Variants in AFAP1 observed in about 807,000 individuals in gnomAD.
The protein encoded by AFAP1 is actin filament-associated protein 1.
A neutral mutation model predicts 93.9 loss-of-function variants in AFAP1; 75 were observed. That is an observed-to-expected ratio of 0.80 (90% confidence interval 0.66 to 0.97). The LOEUF (loss-of-function observed/expected upper bound fraction) is 0.97. Ranked by LOEUF, AFAP1 falls within the 50% of genes least tolerant of loss-of-function variation. AFAP1 has a pLI of 0.00. For synonymous variants in AFAP1, 517 were observed against 430.7 expected (o/e 1.20, Z -2.48); for missense variants, 1,201 against 1,050.8 (o/e 1.14, Z -1.98).
At chr4:7,811,804 A>G (rs1720071557) in intron 8 of AFAP1, among the ~76,000 whole-genome samples, 3 of 152,098 alleles carry the variant, frequency 2.0e-5, no homozygotes, top group African/African-American at 7.2e-5. Context: ...ATGTTGTTTC[A>G]GCCACGCAGT....
In AFAP1 at chr4:7,763,342, C is replaced by T. The variant is rs1395527861; in HGVS notation, c.*423G>A. On this transcript the variant is annotated 3_prime_UTR_variant, in exon 18 of 18. Transcript: ENST00000420658. Reference sequence around the variant, plus strand: ...AGCCCAGTGCCCATGGCCAGCCACACTCATGCCCGGGGCAGCCGGGGATCC... The same window carrying T: ...AGCCCAGTGCCCATGGCCAGCCACATTCATGCCCGGGGCAGCCGGGGATCC... The T allele has an allele frequency of 5.0e-6, 1 of 199,194 alleles. No individual in the cohort carries two copies. The highest frequency in any genetic ancestry group is 5.6e-5 in the Admixed American group (1 of 17,994). 12.3% of individuals were successfully genotyped at this position (199,194 alleles called of 1,614,324 possible).
At chr4:7,784,533 TGAG>T (rs560359616) in intron 12 of AFAP1, among the ~76,000 whole-genome samples, 3 of 152,110 alleles carry the variant, frequency 2.0e-5, no homozygotes, top group Non-Finnish European at 4.4e-5. Context: ...GAGAGAGGAC[TGAG>T]GAGGGAAGGG....
At chr4:7,931,727 AATGT>A (rs1156962329) in intron 1 of AFAP1, among the ~76,000 whole-genome samples, 2 of 152,056 alleles carry the variant, frequency 1.3e-5, no homozygotes, top group Non-Finnish European at 2.9e-5. Flanking sequence ...CCACTTTGAA[AATGT>A]ATGGAGAGCT....
intron 4 of AFAP1, among the ~76,000 whole-genome samples, chr4:7,851,597 A>C (rs1269225461): frequency 6.6e-6 from 1 of 152,204 alleles, no homozygotes; most frequent in Non-Finnish European, 1.5e-5. Flanking sequence ...TGCATCAGTC[A>C]TCCTCATTCC....
intron 9 of AFAP1, among the ~76,000 whole-genome samples, chr4:7,807,195 G>A (rs4689867): frequency 0.4 from 60,713 of 151,898 alleles, 14,688 homozygotes; most frequent in African/African-American, 0.68. Flanking sequence ...CCACTGACCT[G>A]GAGCATTAAA....
chr4:7,776,075 T>C (rs1320609540), intron 14 of AFAP1: 3 of 152,224 alleles, frequency 2.0e-5, no homozygotes, highest in Non-Finnish European at 4.4e-5. Context: ...AAAACTCGGA[T>C]GGAGGATCAC....
intron 11 of AFAP1, among the ~76,000 whole-genome samples, chr4:7,787,260 C>T (rs1055349486): frequency 1.8e-4 from 28 of 152,332 alleles, no homozygotes; most frequent in Middle Eastern, 3.4e-3. Context: ...CCAGCGAGGG[C>T]ACGGGAGCGC....
intron 4 of AFAP1, among the ~76,000 whole-genome samples, chr4:7,844,671 A>C (rs1200901933): frequency 6.6e-6 from 1 of 152,228 alleles, no homozygotes; most frequent in Non-Finnish European, 1.5e-5. Flanking sequence ...CTGTAGAAGG[A>C]AGCGCGTTAA....
chr4:7,793,994 G>A (rs1398403241), intron 10 of AFAP1, among the ~76,000 whole-genome samples, 168 bp from the exon 11 acceptor site: 1 of 152,240 alleles, frequency 6.6e-6, no homozygotes, highest in Non-Finnish European at 1.5e-5. Flanking sequence ...CACGTTCGCA[G>A]CAGGCCTTAA....
In AFAP1 at chr4:7,804,341, T is replaced by C. The variant is rs1186185139; in HGVS notation, c.1055-3688A>G. 3.3e-5 allele frequency among the ~76,000 whole-genome samples: 5 copies of C among 152,232 alleles called. No homozygotes were observed. In the East Asian group the frequency reaches 9.6e-4, roughly 29 times the overall value. On this transcript the variant is annotated intron_variant, in intron 9 of 17. Transcript: ENST00000420658. ...GGTCCAGATAGAACTGATTTTATTT[T>C]TGAATCTCACTTATCATATTATGGT...
chr4:7,809,313 G>A (rs550890354), intron 9 of AFAP1: 57 of 185,432 alleles, frequency 3.1e-4, no homozygotes, highest in African/African-American at 1.1e-3. Flanking sequence ...CAGCCCCTGC[G>A]TATGTTGTCC....
intron 16 of AFAP1, 44 bp from the exon 17 acceptor site, chr4:7,769,052 C>T: frequency 6.5e-7 from 1 of 1,536,990 alleles, no homozygotes. Flanking sequence ...GGTTTCTGGG[C>T]CACTGGTATT....
At chr4:7,931,408 CAGAG>C (rs1560242467) in intron 1 of AFAP1, among the ~76,000 whole-genome samples, 3 of 151,830 alleles carry the variant, frequency 2.0e-5, no homozygotes, top group South Asian at 2.1e-4. Context: ...TTTTGTTTTT[CAGAG>C]AGAGGGTCTT....
intron 6 of AFAP1, among the ~76,000 whole-genome samples, chr4:7,822,751 A>ATT (rs5855983): frequency 0.2 from 27,584 of 141,248 alleles, 2,816 homozygotes; most frequent in African/African-American, 0.26. Flanking sequence ...CGCCCGGCTA[A>ATT]TTTTTTTTTT....
At chr4:7,787,382 G>A (rs538954041) in intron 11 of AFAP1, among the ~76,000 whole-genome samples, 3 of 152,192 alleles carry the variant, frequency 2.0e-5, no homozygotes, top group South Asian at 2.1e-4. Flanking sequence ...TTCTGTGAGC[G>A]TTCTAGCAAT....
intron 1 of AFAP1, among the ~76,000 whole-genome samples, chr4:7,932,232 TA>T (rs11403248): frequency 3.3e-5 from 5 of 151,504 alleles, no homozygotes; most frequent in Admixed American, 6.6e-5. Context: ...AAAAACTTCA[TA>T]AAAAAAAATC....
chr4:7,918,872 A>G (rs1720262005), intron 1 of AFAP1, among the ~76,000 whole-genome samples: 1 of 145,366 alleles, frequency 6.9e-6, no homozygotes, highest in East Asian at 2.1e-4. Context: ...TCACCAGGAA[A>G]CAGGGCTGCC....
At chr4:7,854,947 G>A (rs1000877329) in intron 4 of AFAP1, among the ~76,000 whole-genome samples, 5 of 152,086 alleles carry the variant, frequency 3.3e-5, no homozygotes, top group Non-Finnish European at 5.9e-5. Flanking sequence ...CACTAACTGG[G>A]GCCAGGAGAA....
intron 5 of AFAP1, among the ~76,000 whole-genome samples, chr4:7,842,370 A>C (rs1468994343): frequency 6.6e-6 from 1 of 151,858 alleles, no homozygotes; most frequent in African/African-American, 2.4e-5. Context: ...ACAGAAACAT[A>C]AATTCTTGTT....
Sources: allele counts gnomAD v4.1 joint callset (sites outside exome capture counted in the v4.1 genomes callset), GRCh38; gene constraint gnomAD v4.1.1; transcripts MANE v1.5; gene names NCBI Gene and HGNC (gene_info 2026-07-23, HGNC 2026-07-21).